The following PPM1L variants were observed in gnomAD, a reference collection of about 807,000 sequenced individuals.
The protein encoded by PPM1L is protein phosphatase 1L.
In PPM1L, 13 loss-of-function variants were observed where a neutral mutation model predicts 31.4. The observed-to-expected ratio is 0.41, with a 90% CI of 0.27 to 0.66. The LOEUF is 0.66. PPM1L is among the 30% of genes least tolerant of loss of function. The pLI is 0.29. For missense variants in PPM1L, 326 were observed against 453.7 expected (o/e 0.72, Z 2.56); for synonymous variants, 184 against 175.4 (o/e 1.05, Z -0.39).
intron 1 of PPM1L, among the ~76,000 whole-genome samples, chr3:160,874,422 A>G (rs947959752): frequency 1.3e-5 from 2 of 152,108 alleles, no homozygotes; most frequent in African/African-American, 4.8e-5. Flanking sequence ...CTTTTCCTTC[A>G]AGATATTTCT....
At chr3:160,757,110 A>T (rs1714830797) in intron 1 of PPM1L, among the ~76,000 whole-genome samples, 1 of 152,204 alleles carries the variant, frequency 6.6e-6, no homozygotes, top group African/African-American at 2.4e-5. Flanking sequence ...TGAACTAGGC[A>T]CAGAGAAGGA....
Position 160,774,077 on chromosome 3 carries a change from TA to T in PPM1L, c.399+17371del, listed in dbSNP as rs531276169. ...CCACATCTTTACATGCTGACTTTAC[TA>T]TTTTCTTTCTGGATGTCACATTGAT... On this transcript the variant is annotated intron_variant, in intron 1 of 3. Transcript: ENST00000498165. Among the ~76,000 whole-genome samples the T allele has an allele frequency of 2.0e-3, 302 of 152,336 alleles. 1 individual carries two copies. The highest frequency in any genetic ancestry group is 6.5e-3 in the African/African-American group (269 of 41,582).
Position 161,072,419 on chromosome 3 carries a change from T to C in PPM1L, c.*3262T>C, listed in dbSNP as rs549128714. The C allele has an allele frequency of 6.6e-6, 1 of 152,354 alleles. No individual in the cohort carries two copies. Among genetic ancestry groups the C allele is most frequent in the South Asian group, 2.1e-4 (1 of 4,830 alleles). 9.4% of individuals were successfully genotyped at this position (152,354 alleles called of 1,614,324 possible). ...TAAGAATATTATACAGAGAGTGTTA[T>C]AGTGAAGGATGTAAGCTGGATAATT... On this transcript the variant is annotated 3_prime_UTR_variant, in exon 4 of 4. Coordinates refer to ENST00000498165, the MANE Select transcript of PPM1L (RefSeq NM_139245.4).
chr3:161,028,522 AAAG>A (rs1156933917), intron 2 of PPM1L, among the ~76,000 whole-genome samples: 4 of 152,174 alleles, frequency 2.6e-5, no homozygotes, highest in Non-Finnish European at 1.5e-5. Context: ...TAGACAGTAA[AAAG>A]AACCAAACAG....
intron 1 of PPM1L, among the ~76,000 whole-genome samples, chr3:160,941,929 T>C (rs1715175522): frequency 6.6e-6 from 1 of 152,244 alleles, no homozygotes; most frequent in Non-Finnish European, 1.5e-5. Context: ...ATTATTAGGC[T>C]TACTTTGTAA....
At chr3:161,020,538 G>C (rs888960200) in intron 2 of PPM1L, among the ~76,000 whole-genome samples, 3 of 152,140 alleles carry the variant, frequency 2.0e-5, no homozygotes, top group African/African-American at 7.2e-5. Context: ...ATCACCATAA[G>C]ATACTGTTTT....
chr3:160,970,581 C>A (rs1716298057), intron 2 of PPM1L, among the ~76,000 whole-genome samples: 2 of 151,060 alleles, frequency 1.3e-5, no homozygotes, highest in South Asian at 4.2e-4. Flanking sequence ...TCCCAAGTAG[C>A]TGGGACTACA....
At chr3:161,012,312 G>C (rs1717922814) in intron 2 of PPM1L, among the ~76,000 whole-genome samples, 2 of 152,154 alleles carry the variant, frequency 1.3e-5, no homozygotes, top group Non-Finnish European at 2.9e-5. Context: ...TTATATGCTG[G>C]ATTCCATTTA....
At chr3:161,011,582 C>T (rs1033614890) in intron 2 of PPM1L, among the ~76,000 whole-genome samples, 1 of 151,554 alleles carries the variant, frequency 6.6e-6, no homozygotes, top group Admixed American at 6.6e-5. Flanking sequence ...ATGGGGATGG[C>T]ATTGAATCTA....
chr3:160,858,443 C>G (rs972317447), intron 1 of PPM1L, among the ~76,000 whole-genome samples: 4 of 152,102 alleles, frequency 2.6e-5, no homozygotes, highest in African/African-American at 9.7e-5. Flanking sequence ...CACAGGGTTT[C>G]ACTGTGTTGG....
intron 1 of PPM1L, among the ~76,000 whole-genome samples, chr3:160,822,982 G>A (rs1713247706): frequency 6.6e-6 from 1 of 151,864 alleles, no homozygotes; most frequent in African/African-American, 2.4e-5. Context: ...AAAGAAAAAA[G>A]CAATATGAAA....
At chr3:160,997,368 A>G (rs1717355941) in intron 2 of PPM1L, among the ~76,000 whole-genome samples, 1 of 152,190 alleles carries the variant, frequency 6.6e-6, no homozygotes, top group Non-Finnish European at 1.5e-5. Context: ...CCAGTTATCA[A>G]ATGATGAAGA....
intron 2 of PPM1L, among the ~76,000 whole-genome samples, chr3:160,970,420 T>C (rs1260833687): frequency 6.6e-6 from 1 of 151,476 alleles, no homozygotes; most frequent in African/African-American, 2.4e-5. Flanking sequence ...GGTGACTAAT[T>C]TATCAATCTT....
chr3:160,999,730 A>C (rs1717423194), intron 2 of PPM1L, among the ~76,000 whole-genome samples: 1 of 152,250 alleles, frequency 6.6e-6, no homozygotes, highest in African/African-American at 2.4e-5. Context: ...CCAAGTTTAC[A>C]ATGCCAGTAT....
chr3:160,767,658 G>A (rs1715140509), intron 1 of PPM1L, among the ~76,000 whole-genome samples: 1 of 152,086 alleles, frequency 6.6e-6, no homozygotes, highest in Non-Finnish European at 1.5e-5. Flanking sequence ...GCAAATTTTG[G>A]TCATTATAAA....
At chr3:160,941,797 T>C (rs1715172207) in intron 1 of PPM1L, among the ~76,000 whole-genome samples, 1 of 152,220 alleles carries the variant, frequency 6.6e-6, no homozygotes, top group African/African-American at 2.4e-5. Context: ...AGTCATCTGC[T>C]TCCTTAAGTG....
At chr3:161,051,688 A>G (rs777144421) in intron 2 of PPM1L, among the ~76,000 whole-genome samples, 46 of 152,150 alleles carry the variant, frequency 3.0e-4, no homozygotes, top group Non-Finnish European at 4.1e-4. Flanking sequence ...AAAATGGCCC[A>G]AAATCTGATT....
intron 1 of PPM1L, among the ~76,000 whole-genome samples, chr3:160,824,258 G>T (rs1713290824): frequency 6.6e-6 from 1 of 152,082 alleles, no homozygotes; most frequent in Non-Finnish European, 1.5e-5. Context: ...TCTGCAACCT[G>T]GAAAAGAGTC....
intron 2 of PPM1L, among the ~76,000 whole-genome samples, chr3:161,004,613 C>G (rs2108056048): frequency 6.7e-6 from 1 of 149,580 alleles, no homozygotes; most frequent in East Asian, 2.0e-4. Flanking sequence ...TCTAGATTTT[C>G]TAGTTTATTT....
Sources: allele counts gnomAD v4.1 joint callset (sites outside exome capture counted in the v4.1 genomes callset), GRCh38; gene constraint gnomAD v4.1.1; transcripts MANE v1.5; gene names NCBI Gene and HGNC (gene_info 2026-07-23, HGNC 2026-07-21).